CCDC60: variants seen among roughly 807,000 people sequenced by gnomAD.
CCDC60 encodes coiled-coil domain-containing protein 60.
A neutral mutation model predicts 63.5 loss-of-function variants in CCDC60; 54 were observed. The observed-to-expected ratio is 0.85, with a 90% confidence interval of 0.68 to 1.07. CCDC60 has a LOEUF of 1.07. Ranked by LOEUF, CCDC60 falls within the 50% of genes least tolerant of loss-of-function variation. The probability of loss-of-function intolerance (pLI) is 0.00; values close to 1 mark genes in which losing one functional copy is unlikely to be tolerated. For missense variants in CCDC60, 651 were observed against 684.3 expected, an observed-to-expected ratio of 0.95 and a Z score of 0.54; for synonymous variants, 206 against 238.8, an observed-to-expected ratio of 0.86 and a Z score of 1.27.
chr12:119,393,424 T>C (rs61938071), intron 1 of CCDC60, among the ~76,000 whole-genome samples: 12,606 of 152,306 alleles, frequency 0.083, 691 homozygotes, highest in Non-Finnish European at 0.12. Flanking sequence ...CTTTCACAAA[T>C]GATTCCTTGT....
At chr12:119,430,286 T>A (rs946053233) in intron 2 of CCDC60, among the ~76,000 whole-genome samples, 3 of 151,978 alleles carry the variant, frequency 2.0e-5, no homozygotes, top group Non-Finnish European at 2.9e-5. Context: ...AAGAAACAAG[T>A]AAGGCTAAAA....
intron 1 of CCDC60, among the ~76,000 whole-genome samples, chr12:119,387,354 C>G (rs1049803012): frequency 6.6e-6 from 1 of 152,190 alleles, no homozygotes; most frequent in African/African-American, 2.4e-5. Context: ...ACAAAACTTA[C>G]ATCTGTGCAT....
chr12:119,360,334 C>A (rs1413307009), intron 1 of CCDC60, among the ~76,000 whole-genome samples: 1 of 147,320 alleles, frequency 6.8e-6, no homozygotes, highest in Non-Finnish European at 1.5e-5. Flanking sequence ...GCTGGCCAGG[C>A]GGGGGGCTGA....
Position 119,355,930 on chromosome 12 carries a change from C to T in CCDC60, c.90+20664C>T, listed in dbSNP as rs150781718. Among the ~76,000 whole-genome samples the T allele has an allele frequency of 5.4e-4, 82 of 152,294 alleles. 1 individual carries two copies. In the East Asian group the frequency reaches 0.014, roughly 26 times the overall value. On this transcript the variant is annotated intron_variant, in intron 1 of 13. Transcript: ENST00000327554. ...TGTGGCTCAGAAAAAACTGCTTCCA[C>T]CTTGTCCCTGTTTTAGCTAGTCCTC...
intron 1 of CCDC60, among the ~76,000 whole-genome samples, chr12:119,414,564 T>C (rs558489078): frequency 6.6e-6 from 1 of 152,290 alleles, no homozygotes; most frequent in African/African-American, 2.4e-5. Flanking sequence ...TTTGTTTTGT[T>C]TTTAGAGACA....
intron 1 of CCDC60, among the ~76,000 whole-genome samples, chr12:119,425,598 G>A (rs1440761078): frequency 1.3e-5 from 2 of 152,168 alleles, no homozygotes; most frequent in East Asian, 3.8e-4. Flanking sequence ...ACAAGGCACC[G>A]TGGAACGAGT....
At chr12:119,432,071 T>TG (rs1159413817) in intron 2 of CCDC60, among the ~76,000 whole-genome samples, 1 of 152,196 alleles carries the variant, frequency 6.6e-6, no homozygotes, top group Non-Finnish European at 1.5e-5. Flanking sequence ...AGAAGCAAGA[T>TG]GGAGTTCGTT....
Position 119,363,423 on chromosome 12 carries a change from C to CTGTGTGTGTGTGTGTGTG in CCDC60, c.90+28163_90+28180dup, listed in dbSNP as rs5801335. Among the ~76,000 whole-genome samples, 354 of 150,658 alleles carry CTGTGTGTGTGTGTGTGTG rather than the reference C, an allele frequency of 2.3e-3. 2 individuals carry two copies. Among genetic ancestry groups the CTGTGTGTGTGTGTGTGTG allele is most frequent in the African/African-American group, 8.2e-3 (338 of 41,084 alleles). Reference sequence around the variant, plus strand: ...TTTATATAGTCTAGGTATGAGTCCTCTGTGTGTGTGTGTGTGTGTGTGTAT... The same window carrying CTGTGTGTGTGTGTGTGTG: ...TTTATATAGTCTAGGTATGAGTCCTCTGTGTGTGTGTGTGTGTGTGTGTGTGTGTGTGTGTGTGTGTAT... On this transcript the variant is annotated intron_variant, in intron 1 of 13. Coordinates refer to ENST00000327554, the MANE Select transcript of CCDC60 (RefSeq NM_178499.5).
At chr12:119,387,579 CCT>C (rs1480880888) in intron 1 of CCDC60, among the ~76,000 whole-genome samples, 3 of 152,258 alleles carry the variant, frequency 2.0e-5, no homozygotes, top group Admixed American at 6.5e-5. Context: ...CCTCCCACCC[CCT>C]TTTTCTATAG....
intron 1 of CCDC60, among the ~76,000 whole-genome samples, chr12:119,418,414 T>C (rs1444320666): frequency 0.18 from 9,384 of 51,420 alleles, 1,459 homozygotes; most frequent in South Asian, 0.34. Flanking sequence ...TTTTTTTTTT[T>C]TTTTTTTTTT....
chr12:119,470,252 T>C (rs1396850840), intron 2 of CCDC60, among the ~76,000 whole-genome samples: 1 of 152,250 alleles, frequency 6.6e-6, no homozygotes, highest in Non-Finnish European at 1.5e-5. Context: ...TCTAGGTTCC[T>C]ATAGCCCTTT....
At chr12:119,473,696 A>G (rs983395725) in intron 3 of CCDC60, among the ~76,000 whole-genome samples, 1 of 152,180 alleles carries the variant, frequency 6.6e-6, no homozygotes, top group African/African-American at 2.4e-5. Context: ...ATGAATGAGA[A>G]TATACGATGT....
At chr12:119,360,640 C>A (rs1426766649) in intron 1 of CCDC60, among the ~76,000 whole-genome samples, 2 of 151,970 alleles carry the variant, frequency 1.3e-5, no homozygotes, top group African/African-American at 4.8e-5. Context: ...GCGTTCCCCA[C>A]ATCCCAGACG....
chr12:119,527,304 CTA>C (rs1491431848), intron 11 of CCDC60, among the ~76,000 whole-genome samples: 1 of 152,016 alleles, frequency 6.6e-6, no homozygotes, highest in African/African-American at 2.4e-5. Flanking sequence ...AAAAAAATAA[CTA>C]TTGGGTACAG....
At chr12:119,361,459 T>C (rs916193609) in intron 1 of CCDC60, among the ~76,000 whole-genome samples, 1 of 151,936 alleles carries the variant, frequency 6.6e-6, no homozygotes, top group Non-Finnish European at 1.5e-5. Context: ...CTTTATTGAG[T>C]GTCAAAATGG....
At chr12:119,366,867 C>T (rs1383300129) in intron 1 of CCDC60, among the ~76,000 whole-genome samples, 2 of 152,176 alleles carry the variant, frequency 1.3e-5, no homozygotes, top group Non-Finnish European at 2.9e-5. Flanking sequence ...GAATCTCGCT[C>T]TGTTGCCCAG....
In CCDC60 at chr12:119,488,792, C is replaced by T. The variant is rs758525946; in HGVS notation, c.483C>T (p.His161=). The T allele has an allele frequency of 6.2e-7, 1 of 1,614,236 alleles. No individual in the cohort carries two copies. The highest frequency in any genetic ancestry group is 8.5e-7 in the Non-Finnish European group (1 of 1,180,036). ...TCTTCCGCCAGCTCTGTGCTCTCCACTGGCTTCTGGAGGCCCTGACTATTG... is the reference window on the plus strand; with the variant it reads ...TCTTCCGCCAGCTCTGTGCTCTCCATTGGCTTCTGGAGGCCCTGACTATTG... ...EPLFRQLCAL[H]WLLEALTIDH... is the part of the protein sequence containing the mutation. Residue 161 remains histidine, a synonymous_variant, in exon 5 of 14, where the codon CAC becomes CAT. Transcript: ENST00000327554.
chr12:119,417,716 C>G (rs183430774), intron 1 of CCDC60, among the ~76,000 whole-genome samples: 3 of 152,146 alleles, frequency 2.0e-5, no homozygotes, highest in African/African-American at 7.2e-5. Context: ...CAACACTTAG[C>G]CAAAACAAAC....
intron 2 of CCDC60, among the ~76,000 whole-genome samples, chr12:119,443,305 C>T (rs1950481427): frequency 6.6e-6 from 1 of 152,150 alleles, no homozygotes; most frequent in Non-Finnish European, 1.5e-5. Flanking sequence ...AGACTGTAGC[C>T]TTTGAATACT....
Sources: allele counts gnomAD v4.1 joint callset (sites outside exome capture counted in the v4.1 genomes callset), GRCh38; gene constraint gnomAD v4.1.1; transcripts MANE v1.5; gene names NCBI Gene and HGNC (gene_info 2026-07-23, HGNC 2026-07-21).